Variants in PARP16 observed in about 807,000 individuals in gnomAD.
PARP16 encodes protein mono-ADP-ribosyltransferase PARP16.
PARP16 carries 31 observed loss-of-function variants against 35.0 expected under a neutral mutation model. The observed-to-expected ratio is 0.88, with a 90% CI of 0.66 to 1.19. The LOEUF (loss-of-function observed/expected upper bound fraction) is 1.19, where lower values mean the gene tolerates loss of function less well. Among genes scored for constraint, PARP16 ranks in the 50% most tolerant of loss-of-function variants. The probability of loss-of-function intolerance (pLI) is 0.00; values close to 1 mark genes in which losing one functional copy is unlikely to be tolerated. For synonymous variants in PARP16, 162 were observed against 169.5 expected, an observed-to-expected ratio of 0.96 and a Z score of 0.34; for missense variants, 424 against 411.2, an observed-to-expected ratio of 1.03 and a Z score of -0.27.
chr15:65,260,190 G>A (rs2140836155), intron 5 of PARP16, among the ~76,000 whole-genome samples: 1 of 152,248 alleles, frequency 6.6e-6, no homozygotes, highest in South Asian at 2.1e-4. Flanking sequence ...GTGTGTACAA[G>A]CAGGAGTGGG....
intron 1 of PARP16, chr15:65,282,609 G>A (rs1595723973): frequency 6.6e-6 from 1 of 152,226 alleles, no homozygotes; most frequent in South Asian, 2.1e-4. Flanking sequence ...TGTAGTCTGG[G>A]CTATTTTCCT....
At chr15:65,282,219 C>T (rs1316043785) in intron 1 of PARP16, among the ~76,000 whole-genome samples, 1 of 152,150 alleles carries the variant, frequency 6.6e-6, no homozygotes, top group East Asian at 1.9e-4. Flanking sequence ...CGCCATGTTG[C>T]CCAGGCTGCT....
At chr15:65,270,800 G>A (rs909284072) in intron 2 of PARP16, 135 bp downstream of exon 2, 8 of 820,436 alleles carry the variant, frequency 9.8e-6, no homozygotes, top group South Asian at 1.7e-5. Context: ...AAGTCTAAAG[G>A]TGAGGACCAG....
downstream of PARP16, among the ~76,000 whole-genome samples, chr15:65,255,838 T>C (rs1412515440): frequency 6.6e-6 from 1 of 151,446 alleles, no homozygotes; most frequent in Non-Finnish European, 1.5e-5. Context: ...CCCTGCTCTG[T>C]AGCAGTGAGC....
chr15:65,233,562 C>A (rs1595971188), downstream of PARP16, among the ~76,000 whole-genome samples: 1 of 152,012 alleles, frequency 6.6e-6, no homozygotes, highest in Non-Finnish European at 1.5e-5. Context: ...ATGGAAAAAA[C>A]CCATCTCTAC....
chr15:65,257,695 G>A (rs1321928375), downstream of PARP16, among the ~76,000 whole-genome samples: 2 of 151,492 alleles, frequency 1.3e-5, no homozygotes, highest in African/African-American at 4.9e-5. Flanking sequence ...ATAGTAAGGT[G>A]CCTTGCAATG....
intron 1 of PARP16, among the ~76,000 whole-genome samples, chr15:65,275,429 T>G (rs113045592): frequency 2.0e-3 from 298 of 152,250 alleles, no homozygotes; most frequent in Non-Finnish European, 3.1e-3. Flanking sequence ...CTTTCTCAAA[T>G]ACATAATTGG....
Position 65,261,003 on chromosome 15 carries a change from G to A in PARP16, c.715C>T (p.Arg239Ter), listed in dbSNP as rs748381553. The stretch of plus-strand genomic sequence containing the variant: ...CCTTCACTATGTTTGATTCTCGCTC[G>A]TCTGCGATCTATCTCCTTGGAATCT... Reference protein sequence around the residue: ...KKDSKEIDRRRARIKHSEGGD... With the variant: ...KKDSKEIDRR The change falls in exon 5 of 6, where the codon CGA (arginine) becomes TGA (stop). Residue 239 changes from arginine (R) to a stop codon, truncating the protein, a stop_gained. Coordinates refer to ENST00000649807, the MANE Select transcript of PARP16 (RefSeq NM_001316943.2). LOFTEE classifies it high-confidence loss of function. 1.5e-5 allele frequency: 25 copies of A among 1,613,486 alleles called. No homozygotes were observed. The Admixed American group carries it at 2.3e-4, about 15-fold the overall frequency.
chr15:65,252,130 G>C (rs965315571), intron 2 of PARP16, among the ~76,000 whole-genome samples: 7 of 152,154 alleles, frequency 4.6e-5, no homozygotes, highest in African/African-American at 1.7e-4. Flanking sequence ...GCTTGGGCCT[G>C]AGTCAATGCT....
At chr15:65,257,587 G>A (rs150732100), downstream of PARP16, among the ~76,000 whole-genome samples, 500 of 144,904 alleles carry the variant, frequency 3.5e-3, no homozygotes, top group African/African-American at 6.2e-3. Flanking sequence ...CCGAGATTGC[G>A]TCACTGCACT....
chr15:65,274,926 G>A (rs1485495591), intron 1 of PARP16, among the ~76,000 whole-genome samples: 1 of 152,164 alleles, frequency 6.6e-6, no homozygotes, highest in Non-Finnish European at 1.5e-5. Flanking sequence ...GATCAGCCTG[G>A]CCAACATGGC....
At chr15:65,271,234 C>T (rs903353581) in intron 1 of PARP16, among the ~76,000 whole-genome samples, 162 bp from the exon 2 acceptor site, 8 of 152,016 alleles carry the variant, frequency 5.3e-5, no homozygotes, top group Non-Finnish European at 8.8e-5. Flanking sequence ...TAATACTAAA[C>T]TTTACAAGCT....
At chr15:65,233,401 C>CA (rs942234009), downstream of PARP16, among the ~76,000 whole-genome samples, 103 of 151,068 alleles carry the variant, frequency 6.8e-4, no homozygotes, top group African/African-American at 2.2e-3. Flanking sequence ...GACTCCGTCT[C>CA]AAAAAAAACA....
At chr15:65,248,466 G>A (rs1289154291) in intron 2 of PARP16, among the ~76,000 whole-genome samples, 1 of 151,964 alleles carries the variant, frequency 6.6e-6, no homozygotes, top group African/African-American at 2.4e-5. Flanking sequence ...TTCCCTCAAA[G>A]ATACTCACAT....
downstream of PARP16, among the ~76,000 whole-genome samples, chr15:65,233,013 A>C (rs1306172241): frequency 6.6e-6 from 1 of 152,182 alleles, no homozygotes; most frequent in Non-Finnish European, 1.5e-5. Flanking sequence ...TAAAAAGTTT[A>C]AAATTTTAAA....
intron 3 of PARP16, among the ~76,000 whole-genome samples, chr15:65,237,420 A>G (rs2088914053): frequency 6.6e-6 from 1 of 152,168 alleles, no homozygotes; most frequent in Non-Finnish European, 1.5e-5. Context: ...TTTGGAAAAA[A>G]GGGTCTTCAT....
In PARP16 at chr15:65,261,011, T is replaced by A; in HGVS notation, c.707A>T (p.Asp236Val). Reference sequence around the variant, plus strand: ...ATGTTTGATTCTCGCTCGTCTGCGATCTATCTCCTTGGAATCTGAATAAGG... The same window carrying A: ...ATGTTTGATTCTCGCTCGTCTGCGAACTATCTCCTTGGAATCTGAATAAGG... ...QTKKKDSKEI[D>V]RRRARIKHSE... The change falls in exon 5 of 6, where the codon GAT becomes GTT. Residue 236 changes from aspartate to valine, a missense_variant. Transcript: ENST00000649807. 1 of 1,613,856 alleles carries A rather than the reference T, an allele frequency of 6.2e-7. No homozygotes were observed. Among genetic ancestry groups the A allele is most frequent in the Non-Finnish European group, 8.5e-7 (1 of 1,179,900 alleles).
At chr15:65,233,823 A>C (rs551278800), downstream of PARP16, among the ~76,000 whole-genome samples, 1 of 152,304 alleles carries the variant, frequency 6.6e-6, no homozygotes, top group South Asian at 2.1e-4. Flanking sequence ...CAAAAGGCAA[A>C]AGTCAGTTTC....
rs1465478215 is a variant in PARP16 at position 65,263,697 on chromosome 15, T to G, written c.520-377A>C. On this transcript the variant is annotated intron_variant, in intron 3 of 5. Transcript: ENST00000649807. Reference sequence around the variant, plus strand: ...CAGTTTCTAGATCTACAAAATAATGTTACTAGTAGCTCCTTTACAAGGTTG... The same window carrying G: ...CAGTTTCTAGATCTACAAAATAATGGTACTAGTAGCTCCTTTACAAGGTTG... 2.6e-5 allele frequency among the ~76,000 whole-genome samples: 4 copies of G among 152,354 alleles called. No individual in the cohort carries two copies. In the East Asian group the frequency reaches 7.7e-4, roughly 29 times the overall value.
Sources: allele counts gnomAD v4.1 joint callset (sites outside exome capture counted in the v4.1 genomes callset), GRCh38; gene constraint gnomAD v4.1.1; transcripts MANE v1.5; gene names NCBI Gene and HGNC (gene_info 2026-07-23, HGNC 2026-07-21).